The following MICU1 variants were observed in gnomAD, a reference collection of about 807,000 sequenced individuals.
The protein encoded by MICU1 is calcium uptake protein 1, mitochondrial.
A neutral mutation model predicts 56.8 loss-of-function variants in MICU1; 45 were observed. The observed-to-expected ratio is 0.79, with a 90% confidence interval of 0.62 to 1.02. MICU1 has a LOEUF of 1.02. Among genes scored for constraint, MICU1 ranks in the 50% least tolerant of loss-of-function variants. The pLI is 0.00. For missense variants in MICU1, 504 were observed against 587.1 expected (o/e 0.86, Z 1.46); for synonymous variants, 186 against 195.1 (o/e 0.95, Z 0.39).
intron 1 of MICU1, among the ~76,000 whole-genome samples, chr10:72,585,935 GTAAA>G (rs989887899): frequency 7.4e-5 from 11 of 148,726 alleles, no homozygotes; most frequent in East Asian, 5.9e-4. Flanking sequence ...TAAATACTAC[GTAAA>G]TAGTTATTAT....
chr10:72,567,410 G>C (rs1259543596), intron 1 of MICU1, among the ~76,000 whole-genome samples: 1 of 151,988 alleles, frequency 6.6e-6, no homozygotes, highest in African/African-American at 2.4e-5. Flanking sequence ...GCAGATATAG[G>C]GAGCAGTTAC....
At chr10:72,500,021 C>G (rs1252819108) in intron 6 of MICU1, among the ~76,000 whole-genome samples, 1 of 151,770 alleles carries the variant, frequency 6.6e-6, no homozygotes, top group Non-Finnish European at 1.5e-5. Context: ...TTCAGTAAAT[C>G]AAATCTGGCT....
intron 1 of MICU1, among the ~76,000 whole-genome samples, chr10:72,601,822 C>T (rs1476737849): frequency 1.3e-4 from 19 of 144,840 alleles, no homozygotes; most frequent in Admixed American, 5.0e-4. Context: ...TTTTTTGAGG[C>T]AGAGTCTTGC....
intron 9 of MICU1, among the ~76,000 whole-genome samples, chr10:72,422,716 CTT>C (rs11330509): frequency 2.7e-4 from 38 of 142,018 alleles, no homozygotes; most frequent in Non-Finnish European, 2.9e-4. Context: ...TTTAGGTATT[CTT>C]TTTTTTTTTT....
intron 9 of MICU1, among the ~76,000 whole-genome samples, chr10:72,416,424 G>T (rs1863985635): frequency 6.6e-6 from 1 of 151,976 alleles, no homozygotes; most frequent in African/African-American, 2.4e-5. Flanking sequence ...GTTTTCAAGG[G>T]GTATGCTAGC....
rs143261883 is a variant in MICU1 at position 72,504,551 on chromosome 10, C to G, written c.652+3604G>C. Among the ~76,000 whole-genome samples the G allele has an allele frequency of 1.9e-3, 285 of 152,224 alleles. 2 individuals carry two copies. The highest frequency in any genetic ancestry group is 6.1e-3 in the Admixed American group (93 of 15,282). Reference sequence around the variant, plus strand: ...AGAAGAAAACCTAGGAAATACCATTCTAGACATCAACTTTGGGGCGAAATT... The same window carrying G: ...AGAAGAAAACCTAGGAAATACCATTGTAGACATCAACTTTGGGGCGAAATT... On this transcript the variant is annotated intron_variant, in intron 6 of 11. Coordinates refer to ENST00000361114, the MANE Select transcript of MICU1 (RefSeq NM_001195518.2).
chr10:72,567,939 A>G (rs1840485627), intron 1 of MICU1, among the ~76,000 whole-genome samples: 6 of 152,340 alleles, frequency 3.9e-5, no homozygotes, highest in Middle Eastern at 6.8e-3. Context: ...ATGAAAAAAG[A>G]TAACTGGTAC....
At chr10:72,549,241 G>A (rs1015249009) in intron 4 of MICU1, among the ~76,000 whole-genome samples, 1 of 149,558 alleles carries the variant, frequency 6.7e-6, no homozygotes, top group Admixed American at 6.6e-5. Context: ...TCCAGGCTGG[G>A]GTGCAGTGGT....
chr10:72,524,975 ATATTTTTT>A (rs1386561322), intron 5 of MICU1, among the ~76,000 whole-genome samples: 1 of 152,208 alleles, frequency 6.6e-6, no homozygotes, highest in African/African-American at 2.4e-5. Flanking sequence ...TCTATATATA[ATATTTTTT>A]TAACTTCATG....
At chr10:72,622,213 G>A (rs970937050) in intron 1 of MICU1, among the ~76,000 whole-genome samples, 15 of 148,138 alleles carry the variant, frequency 1.0e-4, no homozygotes, top group African/African-American at 3.8e-4. Context: ...GTGAGCCACC[G>A]CGCCCGGCCC....
Position 72,546,059 on chromosome 10 carries a change from A to T in MICU1, c.493+5120T>A, listed in dbSNP as rs144953916. Among the ~76,000 whole-genome samples, 536 of 152,284 alleles carry T rather than the reference A, an allele frequency of 3.5e-3. 1 individual carries two copies. Among genetic ancestry groups the T allele is most frequent in the Non-Finnish European group, 5.5e-3 (374 of 68,010 alleles). Reference sequence around the variant, plus strand: ...CATGGCCTGAACCAGTTTCTCATGTATCTTTGGAATCCCTTTGGCTAAGGG... The same window carrying T: ...CATGGCCTGAACCAGTTTCTCATGTTTCTTTGGAATCCCTTTGGCTAAGGG... On this transcript the variant is annotated intron_variant, in intron 4 of 11. Transcript: ENST00000361114.
intron 8 of MICU1, among the ~76,000 whole-genome samples, chr10:72,457,840 G>C (rs1865520310): frequency 6.6e-6 from 1 of 152,082 alleles, no homozygotes; most frequent in Non-Finnish European, 1.5e-5. Flanking sequence ...TCAGTTTGCT[G>C]TTTGACCAAC....
At chr10:72,569,237 A>ATATATATATATATTTTTTTTTTTTT in intron 1 of MICU1, among the ~76,000 whole-genome samples, 1 of 34,390 alleles carries the variant, frequency 2.9e-5, no homozygotes, top group African/African-American at 1.1e-4. Flanking sequence ...ATATATATAT[A>ATATATATATATATTTTTTTTTTTTT]TTTTTTTTTT....
intron 4 of MICU1, among the ~76,000 whole-genome samples, chr10:72,546,887 G>A (rs1222610840): frequency 2.7e-5 from 4 of 149,734 alleles, no homozygotes; most frequent in East Asian, 2.0e-4. Context: ...CACCACGCTC[G>A]TCTAATTTTT....
At chr10:72,419,845 A>G (rs1864096456) in intron 9 of MICU1, among the ~76,000 whole-genome samples, 1 of 152,076 alleles carries the variant, frequency 6.6e-6, no homozygotes. Flanking sequence ...TATCTTGGTG[A>G]TATGGTTTGG....
chr10:72,592,012 T>C (rs1279121467), intron 1 of MICU1, among the ~76,000 whole-genome samples: 2 of 150,578 alleles, frequency 1.3e-5, no homozygotes, highest in Non-Finnish European at 3.0e-5. Flanking sequence ...CCTGGTTTTT[T>C]TGTTTTTTTT....
chr10:72,414,826 C>CA (rs1863931420), intron 9 of MICU1, among the ~76,000 whole-genome samples: 1 of 152,078 alleles, frequency 6.6e-6, no homozygotes, highest in African/African-American at 2.4e-5. Context: ...ATGATGAGTG[C>CA]AAACACTGTA....
Position 72,600,558 on chromosome 10 carries a change from A to C in MICU1, c.-2+25452T>G, listed in dbSNP as rs1841500097. ...CAGCTACTCAGGAGGCTGAGGCAGG[A>C]GAATTGCTTGAACCCAGGAGGTGGA... On this transcript the variant is annotated intron_variant, in intron 1 of 11. Transcript: ENST00000361114. 3.3e-5 allele frequency among the ~76,000 whole-genome samples: 5 copies of C among 150,050 alleles called. No homozygotes were observed. In the South Asian group the frequency reaches 1.1e-3, roughly 32 times the overall value.
chr10:72,557,323 A>G (rs1251723268), intron 3 of MICU1, among the ~76,000 whole-genome samples: 4 of 152,192 alleles, frequency 2.6e-5, no homozygotes, highest in Non-Finnish European at 4.4e-5. Context: ...AGTTCAGTTC[A>G]TCACCATTCC....
Sources: gnomAD v4.1 joint callset for allele counts (sites outside exome capture counted in the v4.1 genomes callset) on GRCh38, gnomAD v4.1.1 for gene constraint, MANE v1.5 for transcripts, NCBI Gene and HGNC (gene_info 2026-07-23, HGNC 2026-07-21) for gene names.